Variants in NRDE2 observed in about 807,000 individuals in gnomAD.
The protein encoded by NRDE2 is nuclear exosome regulator NRDE2.
In NRDE2, 76 loss-of-function variants were observed where a neutral mutation model predicts 124.2. The observed-to-expected ratio is 0.61, with a 90% confidence interval of 0.51 to 0.74. The LOEUF (loss-of-function observed/expected upper bound fraction) is 0.74, where lower values mean the gene tolerates loss of function less well. NRDE2 is among the 30% of genes least tolerant of loss of function. The pLI is 0.00. For missense variants in NRDE2, 1,314 were observed against 1,417.3 expected, an observed-to-expected ratio of 0.93 and a Z score of 1.17; for synonymous variants, 489 against 528.1, an observed-to-expected ratio of 0.93 and a Z score of 1.01.
intron 3 of NRDE2, among the ~76,000 whole-genome samples, chr14:90,316,344 A>G (rs542394746): frequency 5.3e-5 from 8 of 152,324 alleles, no homozygotes; most frequent in African/African-American, 1.9e-4. Context: ...TGAAAATCCC[A>G]AAGACTTTTT....
At chr14:90,310,645 T>G (rs1884800881) in intron 4 of NRDE2, among the ~76,000 whole-genome samples, 1 of 151,586 alleles carries the variant, frequency 6.6e-6, no homozygotes, top group Admixed American at 6.6e-5. Context: ...CTCACTCCCC[T>G]AGCAGCTGGG....
intron 1 of NRDE2, among the ~76,000 whole-genome samples, chr14:90,320,367 C>G (rs1188245652): frequency 1.3e-5 from 2 of 152,174 alleles, no homozygotes; most frequent in Non-Finnish European, 1.5e-5. Flanking sequence ...GGAAGAGCCC[C>G]TTATAAAACC....
chr14:90,325,172 G>A (rs1001650314), intron 1 of NRDE2, among the ~76,000 whole-genome samples: 4 of 152,060 alleles, frequency 2.6e-5, no homozygotes, highest in African/African-American at 4.8e-5. Flanking sequence ...TTGTGGACAC[G>A]GGAAGAAAAA....
chr14:90,268,609 T>C lies in NRDE2; in HGVS notation c.*9727A>G, dbSNP rs11628952. ...CAGTAACTGTGAACGTCTGGAGAGA[T>C]TGGTCAGTTATGAATAACCATGTCT... On this transcript the variant is annotated 3_prime_UTR_variant, in exon 14 of 14. Coordinates refer to ENST00000354366, the MANE Select transcript of NRDE2 (RefSeq NM_017970.4). 0.37 allele frequency: 209,220 copies of C among 568,142 alleles called. 41,613 individuals carry two copies. The highest frequency in any genetic ancestry group is 0.51 in the East Asian group (17,265 of 33,588). The allele number at this position is 568,142 out of a possible 1,614,324, so 35.2% of individuals were successfully genotyped here.
In NRDE2 at chr14:90,318,090, T is replaced by C. The variant is rs779026632; in HGVS notation, c.88A>G (p.Ser30Gly). 11 of 1,614,054 alleles carry C rather than the reference T, an allele frequency of 6.8e-6. No homozygotes were observed. Among genetic ancestry groups the C allele is most frequent in the Non-Finnish European group, 7.6e-6 (9 of 1,179,966 alleles). The change falls in exon 2 of 14, where the codon AGC (serine) becomes GGC (glycine). Residue 30 changes from serine (S) to glycine (G), a missense_variant. Coordinates refer to ENST00000354366, the MANE Select transcript of NRDE2 (RefSeq NM_017970.4). ...RKELDWLSNPSFCVGSITSLS... is the reference protein window; with the variant it reads ...RKELDWLSNPGFCVGSITSLS... ...GACGTTATGGATCCAACACAAAAGC[T>C]TGGGTTGCTCAGCCAGTCTAACTCT...
In NRDE2 at chr14:90,267,916, T is replaced by C. The variant is rs1196081642; in HGVS notation, c.*10420A>G. The C allele has an allele frequency of 3.7e-6, 1 of 271,972 alleles. No homozygotes were observed. Among genetic ancestry groups the C allele is most frequent in the Non-Finnish European group, 6.9e-6 (1 of 144,602 alleles). 16.8% of individuals were successfully genotyped at this position (271,972 alleles called of 1,614,324 possible). ...TGAAGCAATTCTTCGTACAGGTAAT[T>C]ATAGTTCGCAGCTTTTCAGGGGAAA... On this transcript the variant is annotated 3_prime_UTR_variant, in exon 14 of 14. Coordinates refer to ENST00000354366, the MANE Select transcript of NRDE2 (RefSeq NM_017970.4).
intron 1 of NRDE2, among the ~76,000 whole-genome samples, chr14:90,323,196 T>C (rs1210552093): frequency 2.0e-5 from 3 of 152,198 alleles, no homozygotes; most frequent in African/African-American, 7.2e-5. Context: ...CAGGGTAATT[T>C]AACAGAAAAT....
At chr14:90,291,197 C>G (rs1010069555) in intron 9 of NRDE2, among the ~76,000 whole-genome samples, 1 of 152,168 alleles carries the variant, frequency 6.6e-6, no homozygotes, top group East Asian at 1.9e-4. Context: ...ATGTCTACAG[C>G]TGAGTTCATG....
chr14:90,275,223 T>G lies in NRDE2; in HGVS notation c.*3113A>C, dbSNP rs912098135. 2.0e-5 allele frequency: 3 copies of G among 152,172 alleles called. No homozygotes were observed. The highest frequency in any genetic ancestry group is 4.4e-5 in the Non-Finnish European group (3 of 68,056). The allele number at this position is 152,172 out of a possible 1,614,324, so 9.4% of individuals were successfully genotyped here. ...GACAACCAAGTGCAGCTCCTGCTCC[T>G]GAACTGGATCCTTTTCCTAGAGGAC... On this transcript the variant is annotated 3_prime_UTR_variant, in exon 14 of 14. Transcript: ENST00000354366.
At chr14:90,319,845 G>A (rs1885179008) in intron 1 of NRDE2, among the ~76,000 whole-genome samples, 1 of 152,138 alleles carries the variant, frequency 6.6e-6, no homozygotes, top group South Asian at 2.1e-4. Context: ...GGATACCTAG[G>A]AGCGGAATTG....
In NRDE2 at chr14:90,278,497, G is replaced by A. The variant is rs754934864; in HGVS notation, c.3370-36C>T. 4.8e-5 allele frequency: 77 copies of A among 1,610,046 alleles called. 1 individual carries two copies. In the East Asian group the frequency reaches 1.6e-3, roughly 34 times the overall value. ...GGCAGGAAGGCCGCCCCACTCAGCC[G>A]CCACTTCCTGTCAGCCTGGAGGAGC... is the stretch of plus-strand genomic sequence containing the variant. On this transcript the variant is annotated intron_variant, in intron 13 of 13. Coordinates refer to ENST00000354366, the MANE Select transcript of NRDE2 (RefSeq NM_017970.4).
chr14:90,268,462 T>C lies in NRDE2; in HGVS notation c.*9874A>G, dbSNP rs375519977. 8.3e-6 allele frequency: 13 copies of C among 1,565,956 alleles called. No homozygotes were observed. The highest frequency in any genetic ancestry group is 1.1e-5 in the Non-Finnish European group (13 of 1,141,318). ...GCCTTGTTTAGTAGGGAACACCGCA[T>C]AGCTCTTCTCTTGAGAATGAGCAAT... On this transcript the variant is annotated 3_prime_UTR_variant, in exon 14 of 14. Transcript: ENST00000354366.
Position 90,301,327 on chromosome 14 carries a change from G to T in NRDE2, c.1457C>A (p.Ser486Tyr). ...QCHFLRQAGH[S>Y]EKAISLFQAM... Reference sequence around the variant, plus strand: ...CTGGAACAATGAGATGGCCTTCTCAGAGTGGCCAGCCTGCCGCAGAAAGTG... The same window carrying T: ...CTGGAACAATGAGATGGCCTTCTCATAGTGGCCAGCCTGCCGCAGAAAGTG... Residue 486 changes from serine to tyrosine, a missense_variant, in exon 7 of 14, where the codon TCT becomes TAT. Ser to Tyr is a moderately radical substitution (Grantham distance 144). Transcript: ENST00000354366. 1 of 1,613,800 alleles carries T rather than the reference G, an allele frequency of 6.2e-7. No individual in the cohort carries two copies. Among genetic ancestry groups the T allele is most frequent in the Non-Finnish European group, 8.5e-7 (1 of 1,179,898 alleles).
chr14:90,323,069 T>A (rs1248418656), intron 1 of NRDE2, among the ~76,000 whole-genome samples: 3 of 152,186 alleles, frequency 2.0e-5, no homozygotes, highest in Non-Finnish European at 4.4e-5. Context: ...CTGCCATACA[T>A]TGTATTATGC....
chr14:90,324,123 G>A (rs1375911943), intron 1 of NRDE2, among the ~76,000 whole-genome samples: 1 of 151,950 alleles, frequency 6.6e-6, no homozygotes, highest in African/African-American at 2.4e-5. Context: ...AGATCTAAAG[G>A]AGGAGGAGTG....
rs1041373404 is a variant in NRDE2, at chr14:90,286,228, G to A, written c.3297+126C>T. 2.9e-6 allele frequency: 3 copies of A among 1,036,824 alleles called. No homozygotes were observed. In the Admixed American group the frequency reaches 8.6e-5, roughly 30 times the overall value. 64.2% of individuals were successfully genotyped at this position (1,036,824 alleles called of 1,614,324 possible). A position where few individuals can be genotyped will look rare whatever the true frequency, so the allele number is the denominator to read the frequency against. On this transcript the variant is annotated intron_variant, in intron 12 of 13. Coordinates refer to ENST00000354366, the MANE Select transcript of NRDE2 (RefSeq NM_017970.4). ...AGAGATTCACCAATGCCAAGAAGATGAGAGTGAAATATGGCCTCCCAGCTC... is the reference window on the plus strand; with the variant it reads ...AGAGATTCACCAATGCCAAGAAGATAAGAGTGAAATATGGCCTCCCAGCTC...
rs1313380530 is a variant in NRDE2, at chr14:90,331,839, A to G, written c.64+2T>C. 10 of 1,613,890 alleles carry G rather than the reference A, an allele frequency of 6.2e-6. No individual in the cohort carries two copies. The highest frequency in any genetic ancestry group is 7.6e-6 in the Non-Finnish European group (9 of 1,179,998). On this transcript the variant is annotated splice_donor_variant, in intron 1 of 13. Transcript: ENST00000354366. LOFTEE classifies it high-confidence loss of function. ...CCTTCTTCGGCTCGTTTGTGTGCTTACCTTTCCTGGAGCTCCCGCCATCGG... is the reference window on the plus strand; with the variant it reads ...CCTTCTTCGGCTCGTTTGTGTGCTTGCCTTTCCTGGAGCTCCCGCCATCGG...
intron 4 of NRDE2, among the ~76,000 whole-genome samples, chr14:90,306,215 T>A (rs1884596117): frequency 6.6e-6 from 1 of 152,214 alleles, no homozygotes; most frequent in African/African-American, 2.4e-5. Flanking sequence ...TGCCTTCATC[T>A]TCTGTCAGCT....
chr14:90,293,253 CTTTT>C (rs34457913), intron 8 of NRDE2, among the ~76,000 whole-genome samples: 1 of 148,582 alleles, frequency 6.7e-6, no homozygotes, highest in African/African-American at 2.5e-5. Flanking sequence ...AACTGAATTC[CTTTT>C]TTTTTTTTCT....
Sources: allele counts gnomAD v4.1 joint callset (sites outside exome capture counted in the v4.1 genomes callset), GRCh38; gene constraint gnomAD v4.1.1; transcripts MANE v1.5; gene names NCBI Gene and HGNC (gene_info 2026-07-23, HGNC 2026-07-21).